DEK: variants seen among roughly 807,000 people sequenced by gnomAD.
The protein encoded by DEK is DEK proto-oncogene.
Under a neutral mutation model 46.8 loss-of-function variants are expected in DEK, and 28 were observed. The observed-to-expected ratio is 0.60, with a 90% CI of 0.44 to 0.82. DEK has a LOEUF of 0.82. Among genes scored for constraint, DEK ranks in the 40% least tolerant of loss-of-function variants. The probability of loss-of-function intolerance (pLI) is 0.00; values close to 1 mark genes in which losing one functional copy is unlikely to be tolerated. For synonymous variants in DEK, 160 were observed against 144.5 expected (o/e 1.11, Z -0.77); for missense variants, 416 against 430.6 (o/e 0.97, Z 0.30).
At chr6:18,258,848 A>T (rs1791717088) in intron 2 of DEK, among the ~76,000 whole-genome samples, 1 of 152,200 alleles carries the variant, frequency 6.6e-6, no homozygotes. Context: ...AGAGAACAAT[A>T]ACAATTTAGT....
chr6:18,245,696 C>T (rs1249335043), intron 7 of DEK, among the ~76,000 whole-genome samples: 2 of 152,212 alleles, frequency 1.3e-5, no homozygotes, highest in African/African-American at 4.8e-5. Context: ...TTTCTCTATG[C>T]CTCAAGGTTA....
chr6:18,263,901 T>C lies in DEK; in HGVS notation c.87A>G (p.Arg29=). 2 of 1,612,474 alleles carry C rather than the reference T, an allele frequency of 1.2e-6. No homozygotes were observed. The highest frequency in any genetic ancestry group is 1.7e-6 in the Non-Finnish European group (2 of 1,179,288). ...CGTCCTCTTCCTCCTCGCTCTCCTC[T>C]CTGGGACCGGGCATTTCGGGTTCTT... ...SEKEPEMPGP[R]EESEEEEDED... Residue 29 remains arginine (R), a synonymous_variant, in exon 2 of 11, where the codon AGA becomes AGG. Coordinates refer to ENST00000652689, the MANE Select transcript of DEK (RefSeq NM_003472.4).
intron 9 of DEK, among the ~76,000 whole-genome samples, chr6:18,233,471 T>C (rs577056759): frequency 3.4e-4 from 51 of 152,236 alleles, no homozygotes; most frequent in African/African-American, 1.1e-3. Flanking sequence ...GGGCTAATAT[T>C]CAGAATCTAC....
intron 6 of DEK, among the ~76,000 whole-genome samples, chr6:18,254,653 GA>G (rs1791529529): frequency 6.6e-6 from 1 of 151,958 alleles, no homozygotes; most frequent in Non-Finnish European, 1.5e-5. Context: ...AAACCACTGA[GA>G]AAAAGATAAA....
intron 7 of DEK, among the ~76,000 whole-genome samples, chr6:18,247,367 C>T (rs1417296707): frequency 1.3e-5 from 2 of 152,044 alleles, no homozygotes; most frequent in South Asian, 2.1e-4. Flanking sequence ...AAAAATCCCT[C>T]TAATAAAATA....
In DEK at chr6:18,263,948, G is replaced by C; in HGVS notation, c.40C>G (p.Pro14Ala). Residue 14 changes from proline to alanine, a missense_variant, in exon 2 of 11, where the codon CCC becomes GCC. Physicochemically the swap from Pro to Ala is conservative, Grantham distance 27. Coordinates refer to ENST00000652689, the MANE Select transcript of DEK (RefSeq NM_003472.4). ...SAPAAEGEGT[P>A]TQPASEKEPE... ...TCTTTCTCGGACGCGGGCTGGGTGG[G>C]GGTTCCCTCCCCCTCCGCAGCAGGG... 6.2e-7 allele frequency: 1 copy of C among 1,613,164 alleles called. No homozygotes were observed. The highest frequency in any genetic ancestry group is 2.2e-5 in the East Asian group (1 of 44,758).
intron 2 of DEK, among the ~76,000 whole-genome samples, chr6:18,261,528 G>A (rs956541648): frequency 6.6e-6 from 1 of 152,208 alleles, no homozygotes; most frequent in African/African-American, 2.4e-5. Context: ...CCGAGGTCAG[G>A]CCACTGCACT....
intron 7 of DEK, among the ~76,000 whole-genome samples, chr6:18,242,911 G>T (rs1426479636): frequency 1.3e-5 from 2 of 152,146 alleles, no homozygotes; most frequent in Non-Finnish European, 2.9e-5. Context: ...TGGCTCTGCT[G>T]TCAAACCTCA....
chr6:18,255,992 TC>T, intron 5 of DEK, 141 bp from the exon 6 acceptor site: 5 of 985,916 alleles, frequency 5.1e-6, no homozygotes, highest in South Asian at 4.3e-5. Context: ...GAATCTTTTT[TC>T]TTTTTTTTTT....
chr6:18,234,429 A>G (rs1790562636), intron 9 of DEK, among the ~76,000 whole-genome samples: 1 of 152,128 alleles, frequency 6.6e-6, no homozygotes, highest in South Asian at 2.1e-4. Context: ...TCATTTTTCT[A>G]TGGTTAAGCC....
Position 18,263,935 on chromosome 6 carries a change from G to C in DEK, c.53C>G (p.Ala18Gly), listed in dbSNP as rs752628321. The C allele has an allele frequency of 2.6e-5, 42 of 1,613,252 alleles. No homozygotes were observed. The highest frequency in any genetic ancestry group is 3.5e-5 in the Non-Finnish European group (41 of 1,179,724). The change falls in exon 2 of 11, where the codon GCG becomes GGG. Residue 18 changes from alanine (A) to glycine (G), a missense_variant. Ala to Gly is a moderately conservative substitution (Grantham distance 60). Coordinates refer to ENST00000652689, the MANE Select transcript of DEK (RefSeq NM_003472.4). ...AEGEGTPTQPASEKEPEMPGP... is the reference protein window; with the variant it reads ...AEGEGTPTQPGSEKEPEMPGP... ...GGGCATTTCGGGTTCTTTCTCGGACGCGGGCTGGGTGGGGGTTCCCTCCCC... is the reference window on the plus strand; with the variant it reads ...GGGCATTTCGGGTTCTTTCTCGGACCCGGGCTGGGTGGGGGTTCCCTCCCC...
At chr6:18,242,749 C>T (rs1247214432) in intron 7 of DEK, among the ~76,000 whole-genome samples, 1 of 152,100 alleles carries the variant, frequency 6.6e-6, no homozygotes, top group Admixed American at 6.5e-5. Context: ...GTTGGCAATT[C>T]AAACATGCCA....
intron 7 of DEK, among the ~76,000 whole-genome samples, chr6:18,239,231 C>G (rs1486659940): frequency 6.6e-6 from 1 of 151,848 alleles, no homozygotes; most frequent in Non-Finnish European, 1.5e-5. Context: ...GCCAAGTCAA[C>G]CTGTTTTTAA....
chr6:18,236,811 A>G (rs78031584), intron 8 of DEK, among the ~76,000 whole-genome samples: 5,235 of 152,290 alleles, frequency 0.034, 263 homozygotes, highest in African/African-American at 0.11. Context: ...TATACAGGTT[A>G]GGCATCCCTA....
intron 7 of DEK, among the ~76,000 whole-genome samples, chr6:18,247,102 T>C (rs900322983): frequency 3.3e-5 from 5 of 152,170 alleles, no homozygotes; most frequent in East Asian, 1.9e-4. Context: ...CATTTAGAAC[T>C]GAGTCTTCAT....
At chr6:18,230,067 C>A (rs545991945) in intron 9 of DEK, among the ~76,000 whole-genome samples, 1 of 152,158 alleles carries the variant, frequency 6.6e-6, no homozygotes, top group Non-Finnish European at 1.5e-5. Context: ...GAGTGAGGGC[C>A]AATATTCGAC....
rs570645208 is a variant in DEK at position 18,240,335 on chromosome 6, A to G, written c.763-2819T>C. ...CCTGTCATCTATTAAAATTTCTAAAAGACTGCAAATATACTGCACAAGCAC... is the reference window on the plus strand; with the variant it reads ...CCTGTCATCTATTAAAATTTCTAAAGGACTGCAAATATACTGCACAAGCAC... On this transcript the variant is annotated intron_variant, in intron 7 of 10. Transcript: ENST00000652689. 3.3e-5 allele frequency among the ~76,000 whole-genome samples: 5 copies of G among 152,370 alleles called. No individual in the cohort carries two copies. In the East Asian group the frequency reaches 9.6e-4, roughly 29 times the overall value.
chr6:18,238,441 G>A (rs1790760420), intron 7 of DEK, among the ~76,000 whole-genome samples: 1 of 151,924 alleles, frequency 6.6e-6, no homozygotes, highest in Non-Finnish European at 1.5e-5. Context: ...GCTCATGCCT[G>A]TAATTCCAGC....
intron 9 of DEK, among the ~76,000 whole-genome samples, chr6:18,233,399 T>A (rs1246119513): frequency 6.6e-6 from 1 of 152,166 alleles, no homozygotes; most frequent in Non-Finnish European, 1.5e-5. Flanking sequence ...GAAACTACCA[T>A]CAGAGTGAAC....
Sources: allele counts gnomAD v4.1 joint callset (sites outside exome capture counted in the v4.1 genomes callset), GRCh38; gene constraint gnomAD v4.1.1; transcripts MANE v1.5; gene names NCBI Gene and HGNC (gene_info 2026-07-23, HGNC 2026-07-21).